UGCG: variants seen among roughly 807,000 people sequenced by gnomAD.
The protein encoded by UGCG is UDP-glucose ceramide glucosyltransferase.
UGCG carries 10 observed loss-of-function variants against 49.5 expected under a neutral mutation model. The ratio of observed to expected loss-of-function variants is 0.20; its 90% CI spans 0.12 to 0.34. UGCG has a LOEUF of 0.34. Ranked by LOEUF, UGCG falls within the 10% of genes least tolerant of loss-of-function variation. UGCG has a pLI of 1.00. For missense variants in UGCG, 312 were observed against 483.7 expected, an observed-to-expected ratio of 0.65 and a Z score of 3.33; for synonymous variants, 182 against 158.2, an observed-to-expected ratio of 1.15 and a Z score of -1.13.
chr9:111,909,898 TAGAG>T (rs1191154875), intron 1 of UGCG, among the ~76,000 whole-genome samples: 2 of 152,262 alleles, frequency 1.3e-5, no homozygotes, highest in Middle Eastern at 3.4e-3. Flanking sequence ...AAGAAAATAT[TAGAG>T]AGAGACAGGG....
intron 6 of UGCG, among the ~76,000 whole-genome samples, chr9:111,930,100 G>C (rs1298881452): frequency 6.6e-6 from 1 of 152,128 alleles, no homozygotes; most frequent in Non-Finnish European, 1.5e-5. Context: ...TTACAGGTAT[G>C]AGCCACCACA....
chr9:111,900,955 C>T (rs1195610457), intron 1 of UGCG, among the ~76,000 whole-genome samples: 1 of 151,924 alleles, frequency 6.6e-6, no homozygotes, highest in Non-Finnish European at 1.5e-5. Context: ...GAGCAATTCT[C>T]CCACCTCAGC....
chr9:111,926,397 G>T lies in UGCG; in HGVS notation c.459G>T (p.Thr153=). The change falls in exon 5 of 9, where the codon ACG becomes ACT. Residue 153 remains threonine, a synonymous_variant. Transcript: ENST00000374279. ...TTTAAATTGTAGTAATTCCAGATAC[G>T]CTTACTGACATGGTGAATCAAATGA... ...CDSGIRVIPD[T]LTDMVNQMTE... is the part of the protein sequence containing the mutation. The T allele has an allele frequency of 6.2e-7, 1 of 1,605,858 alleles. No homozygotes were observed.
chr9:111,902,578 G>A (rs139052590), intron 1 of UGCG, among the ~76,000 whole-genome samples: 2 of 152,336 alleles, frequency 1.3e-5, no homozygotes, highest in Non-Finnish European at 2.9e-5. Context: ...TGCTGATATA[G>A]CAGTGAACCT....
At chr9:111,899,634 G>A (rs542677444) in intron 1 of UGCG, among the ~76,000 whole-genome samples, 27 of 151,976 alleles carry the variant, frequency 1.8e-4, no homozygotes, top group Non-Finnish European at 3.4e-4. Flanking sequence ...AGGTCTTTCC[G>A]TTTCTTTTAC....
intron 3 of UGCG, 135 bp from the exon 4 acceptor site, chr9:111,924,642 G>T: frequency 6.1e-6 from 2 of 328,094 alleles, no homozygotes; most frequent in Non-Finnish European, 5.3e-6. Flanking sequence ...ATGAATAATA[G>T]AGAATGTTAA....
intron 1 of UGCG, among the ~76,000 whole-genome samples, chr9:111,902,948 T>C (rs948392128): frequency 2.6e-5 from 4 of 152,124 alleles, no homozygotes; most frequent in African/African-American, 9.7e-5. Context: ...CCGCTAATTT[T>C]TGTACTTTCA....
At chr9:111,904,957 C>T (rs1052346126) in intron 1 of UGCG, among the ~76,000 whole-genome samples, 3 of 152,062 alleles carry the variant, frequency 2.0e-5, no homozygotes, top group African/African-American at 4.8e-5. Context: ...AAGACCCCAT[C>T]GCCACAGAAA....
Position 111,932,898 on chromosome 9 carries a change from C to T in UGCG, c.1086C>T (p.Tyr362=), listed in dbSNP as rs2118610248. 1.2e-6 allele frequency: 2 copies of T among 1,612,650 alleles called. No individual in the cohort carries two copies. Among genetic ancestry groups the T allele is most frequent in the Non-Finnish European group, 1.7e-6 (2 of 1,179,264 alleles). ...AWFIRESMTI[Y]IFLSALWDPT... ...TCATCCGCGAATCCATGACAATATA[C>T]ATTTTTTTGTCTGCATTATGGGACC... is the stretch of plus-strand genomic sequence containing the variant. The change falls in exon 9 of 9, where the codon TAC becomes TAT. Residue 362 remains tyrosine, a synonymous_variant. Transcript: ENST00000374279.
intron 5 of UGCG, 67 bp downstream of exon 5, chr9:111,926,563 A>G (rs1286757723): frequency 3.2e-6 from 4 of 1,255,614 alleles, no homozygotes; most frequent in South Asian, 3.2e-5. Flanking sequence ...GCTTGAGACT[A>G]TGGGAGCTGG....
intron 3 of UGCG, 121 bp downstream of exon 3, chr9:111,923,072 C>A: frequency 1.8e-6 from 1 of 565,258 alleles, no homozygotes; most frequent in Non-Finnish European, 2.9e-6. Flanking sequence ...TGTTGGAGTA[C>A]TGAGAGGTGT....
intron 4 of UGCG, 50 bp from the exon 5 acceptor site, chr9:111,926,334 A>G: frequency 6.6e-6 from 9 of 1,362,184 alleles, no homozygotes; most frequent in Non-Finnish European, 8.1e-6. Flanking sequence ...GCATTCTACT[A>G]AAAACAAATT....
intron 1 of UGCG, among the ~76,000 whole-genome samples, chr9:111,911,258 CT>C (rs1837990140): frequency 1.3e-5 from 2 of 152,230 alleles, no homozygotes; most frequent in African/African-American, 4.8e-5. Context: ...AGCATGGACT[CT>C]AGCACTCAGT....
intron 1 of UGCG, among the ~76,000 whole-genome samples, chr9:111,910,808 C>T (rs1162003425): frequency 6.6e-6 from 1 of 152,214 alleles, no homozygotes; most frequent in Admixed American, 6.5e-5. Context: ...TGCAGTGGCG[C>T]GATCTCTGCT....
At chr9:111,927,246 A>G (rs1358565697) in intron 5 of UGCG, among the ~76,000 whole-genome samples, 1 of 152,204 alleles carries the variant, frequency 6.6e-6, no homozygotes, top group Non-Finnish European at 1.5e-5. Flanking sequence ...ACAAGTCCTT[A>G]TAAAACCTAT....
Position 111,924,719 on chromosome 9 carries a change from C to T in UGCG, c.344-58C>T, listed in dbSNP as rs151225488. The T allele has an allele frequency of 2.5e-3, 2,122 of 862,578 alleles. 30 individuals carry two copies. The African/African-American group carries it at 0.029, about 12-fold the overall frequency. The allele number at this position is 862,578 out of a possible 1,614,324, so 53.4% of individuals were successfully genotyped here. ...CTCATTTCTATCATGTATCTTTATACTATAAAATATTTTTAATGTTGCATA... is the reference window on the plus strand; with the variant it reads ...CTCATTTCTATCATGTATCTTTATATTATAAAATATTTTTAATGTTGCATA... On this transcript the variant is annotated intron_variant, in intron 3 of 8. Coordinates refer to ENST00000374279, the MANE Select transcript of UGCG (RefSeq NM_003358.3).
intron 6 of UGCG, among the ~76,000 whole-genome samples, chr9:111,930,710 C>T (rs1270773283): frequency 6.6e-6 from 1 of 151,924 alleles, no homozygotes; most frequent in Non-Finnish European, 1.5e-5. Flanking sequence ...CCTCGTGATC[C>T]GCCCGCCTCA....
At chr9:111,928,254 GTTAGTC>G (rs553794907) in intron 5 of UGCG, among the ~76,000 whole-genome samples, 36 of 152,268 alleles carry the variant, frequency 2.4e-4, no homozygotes, top group African/African-American at 8.7e-4. Flanking sequence ...GCAAGAAATT[GTTAGTC>G]TTAAATACCA....
chr9:111,903,674 C>A (rs1383525260), intron 1 of UGCG, among the ~76,000 whole-genome samples: 1 of 152,198 alleles, frequency 6.6e-6, no homozygotes, highest in Non-Finnish European at 1.5e-5. Flanking sequence ...TGGCTCACCA[C>A]AGCCTTGACC....
Sources: gnomAD v4.1 joint callset for allele counts (sites outside exome capture counted in the v4.1 genomes callset) on GRCh38, gnomAD v4.1.1 for gene constraint, MANE v1.5 for transcripts, NCBI Gene and HGNC (gene_info 2026-07-23, HGNC 2026-07-21) for gene names.